RGPD1: variants seen among roughly 807,000 people sequenced by gnomAD.
The protein encoded by RGPD1 is RANBP2 like and GRIP domain containing 1.
RGPD1 carries 7 observed loss-of-function variants against 40.6 expected under a neutral mutation model. The ratio of observed to expected loss-of-function variants is 0.17; its 90% CI spans 0.10 to 0.32. The LOEUF (loss-of-function observed/expected upper bound fraction) is 0.32. Among genes scored for constraint, RGPD1 ranks in the 10% least tolerant of loss-of-function variants. The pLI, the probability that RGPD1 is intolerant of heterozygous loss-of-function variation, is 1.00. For synonymous variants in RGPD1, 24 were observed against 167.0 expected, an observed-to-expected ratio of 0.14 and a Z score of 6.60; for missense variants, 50 against 472.5, an observed-to-expected ratio of 0.11 and a Z score of 8.29.
Position 86,924,514 on chromosome 2 carries a change from G to A in RGPD1, c.72+10593G>A, listed in dbSNP as rs905103967. Among the ~76,000 whole-genome samples, 9 of 150,382 alleles carry A rather than the reference G, an allele frequency of 6.0e-5. 2 individuals carry two copies. Among genetic ancestry groups the A allele is most frequent in the Admixed American group, 2.7e-4 (4 of 15,044 alleles). The stretch of plus-strand genomic sequence containing the variant: ...CGGGGTGTCACTTTTTGCCTACGCC[G>A]GACTGCAGTGATGCTATCGTAGTTG... On this transcript the variant is annotated intron_variant, in intron 1 of 22. Transcript: ENST00000398193.
chr2:86,988,441 CAAAAAAA>C (rs1174110236), intron 20 of RGPD1, among the ~76,000 whole-genome samples: 6 of 33,246 alleles, frequency 1.8e-4, no homozygotes, highest in African/African-American at 3.3e-4. Context: ...ACTTTGTCTC[CAAAAAAA>C]AAAAAAAAAA....
At chr2:86,929,892 T>C (rs987770234) in intron 1 of RGPD1, among the ~76,000 whole-genome samples, 1 of 140,886 alleles carries the variant, frequency 7.1e-6, no homozygotes, top group Non-Finnish European at 1.6e-5. Flanking sequence ...TAGGGCTGTT[T>C]CTGGTGGGCA....
chr2:86,918,453 C>CTTTTTTTT (rs1160123598), intron 1 of RGPD1, among the ~76,000 whole-genome samples: 1 of 78,110 alleles, frequency 1.3e-5, no homozygotes, highest in African/African-American at 5.9e-5. Flanking sequence ...CACACCAAAT[C>CTTTTTTTT]TTTTTTTTTT....
chr2:86,939,285 CTCTT>C (rs1679557704), upstream of RGPD1, among the ~76,000 whole-genome samples: 4 of 144,802 alleles, frequency 2.8e-5, no homozygotes, highest in South Asian at 8.6e-4. Context: ...AGAAGATTCT[CTCTT>C]TGGATGCTGG....
rs148200410 is a variant in RGPD1, at chr2:86,943,969, G to T, written c.72+1661G>T. On this transcript the variant is annotated intron_variant, in intron 1 of 22. Coordinates refer to ENST00000641458, the MANE Select transcript of RGPD1 (RefSeq NM_001382344.1). ...GTGGAGGTTCCAGTGAGCCGAGGTC[G>T]CGCTACTGCACTCCAGCCTGGGCGA... 7.3e-3 allele frequency among the ~76,000 whole-genome samples: 1,111 copies of T among 151,754 alleles called. 13 individuals carry two copies. Among genetic ancestry groups the T allele is most frequent in the African/African-American group, 0.026 (1,056 of 41,332 alleles).
At chr2:86,943,031 A>G (rs1405063750) in intron 1 of RGPD1, among the ~76,000 whole-genome samples, 3 of 149,950 alleles carry the variant, frequency 2.0e-5, no homozygotes, top group Non-Finnish European at 4.5e-5. Context: ...CATGTCCTGG[A>G]CATTTACTTT....
upstream of RGPD1, among the ~76,000 whole-genome samples, chr2:86,941,717 C>CT (rs1324580293): frequency 1.3e-5 from 2 of 149,240 alleles, no homozygotes; most frequent in African/African-American, 5.1e-5. Context: ...TGAGAATGCG[C>CT]TTTGTTTTTT....
chr2:86,941,332 G>A (rs1679729550), upstream of RGPD1, among the ~76,000 whole-genome samples: 2 of 149,018 alleles, frequency 1.3e-5, no homozygotes, highest in East Asian at 2.0e-4. Flanking sequence ...TTAAATTTTG[G>A]TATGTTCTGT....
At chr2:86,960,639 G>T (rs1680912887) in intron 6 of RGPD1, among the ~76,000 whole-genome samples, 1 of 126,976 alleles carries the variant, frequency 7.9e-6, no homozygotes, top group African/African-American at 3.9e-5. Flanking sequence ...GCCCAGGCTG[G>T]AGTGCAGTGG....
At chr2:86,960,437 G>T (rs935228101) in intron 6 of RGPD1, among the ~76,000 whole-genome samples, 1 of 73,136 alleles carries the variant, frequency 1.4e-5, no homozygotes, top group Non-Finnish European at 2.4e-5. Context: ...CTGTTAGCCA[G>T]GATGGTCTCG....
chr2:86,945,137 G>C (rs560092581), intron 1 of RGPD1, among the ~76,000 whole-genome samples: 3 of 151,978 alleles, frequency 2.0e-5, no homozygotes, highest in East Asian at 1.9e-4. Flanking sequence ...ACAGAAGTTA[G>C]AATGTTCTTT....
intron 1 of RGPD1, among the ~76,000 whole-genome samples, chr2:86,914,721 GGGCGGC>G (rs1304942420): frequency 2.6e-4 from 2 of 7,730 alleles, no homozygotes; most frequent in African/African-American, 1.3e-3. Flanking sequence ...CGACCTGGCC[GGGCGGC>G]GGCGGCGGCG....
At chr2:86,945,041 TAAAA>T (rs1170415303) in intron 1 of RGPD1, among the ~76,000 whole-genome samples, 4 of 139,518 alleles carry the variant, frequency 2.9e-5, no homozygotes, top group Non-Finnish European at 6.3e-5. Flanking sequence ...TAAACAAGCT[TAAAA>T]AAAAAAAAAG....
rs1428874613 is a variant in RGPD1, at chr2:86,914,909, G to GGCGGCGGCCTC, written c.72+989_72+990insCGGCGGCCTCG. 6.0e-5 allele frequency among the ~76,000 whole-genome samples: 3 copies of GGCGGCGGCCTC among 50,090 alleles called. 1 individual carries two copies. The highest frequency in any genetic ancestry group is 5.8e-4 in the South Asian group (1 of 1,732). The allele number at this position is 50,090 out of a possible 152,430, so 32.9% of individuals were successfully genotyped here. On this transcript the variant is annotated intron_variant, in intron 1 of 22. Coordinates refer to the RGPD1 transcript ENST00000398193. Reference sequence around the variant, plus strand: ...GGCCTCGACCTGGCCGGGCGGCGGCGGAGGCGGCGGCCTCGACCTGGCCGG... The same window carrying GGCGGCGGCCTC: ...GGCCTCGACCTGGCCGGGCGGCGGCGGCGGCGGCCTCGAGGCGGCGGCCTCGACCTGGCCGG...
At chr2:86,942,336 CCTCGACCTGGCCGGGCGGCG>C (rs1679861961) in intron 1 of RGPD1, 28 bp downstream of exon 1, 1 of 969,662 alleles carries the variant, frequency 1.0e-6, no homozygotes, top group Non-Finnish European at 1.3e-6. Context: ...AGACCGACGG[CCTCGACCTGGCCGGGCGGCG>C]GCCTCGACCT....
At chr2:87,008,904 A>G (rs1682146969) in intron 22 of RGPD1, among the ~76,000 whole-genome samples, 2 of 104,942 alleles carry the variant, frequency 1.9e-5, no homozygotes, top group South Asian at 3.7e-4. Flanking sequence ...CTGACACACA[A>G]TGAGAGAAAA....
chr2:86,944,870 G>A lies in RGPD1; in HGVS notation c.72+2562G>A, dbSNP rs373129048. Among the ~76,000 whole-genome samples, 7 of 151,734 alleles carry A rather than the reference G, an allele frequency of 4.6e-5. No homozygotes were observed. In the South Asian group the frequency reaches 8.3e-4, roughly 18 times the overall value. On this transcript the variant is annotated intron_variant, in intron 1 of 22. Coordinates refer to ENST00000641458, the MANE Select transcript of RGPD1 (RefSeq NM_001382344.1). ...CTACAGGCATGCCAGCTACAGGCAT[G>A]CGCCACCATGCCCGGCTTTTTTCTT... is the stretch of plus-strand genomic sequence containing the variant.
chr2:86,924,788 TTTAAA>T (rs1261154137), intron 1 of RGPD1, among the ~76,000 whole-genome samples: 3 of 115,148 alleles, frequency 2.6e-5, no homozygotes, highest in African/African-American at 7.8e-5. Flanking sequence ...TTTAATTTCT[TTTAAA>T]TTAAAATTCA....
At chr2:86,941,496 C>T (rs1397210849), upstream of RGPD1, among the ~76,000 whole-genome samples, 2 of 148,866 alleles carry the variant, frequency 1.3e-5, no homozygotes, top group Admixed American at 6.7e-5. Flanking sequence ...CCTCCCGCCT[C>T]GACCTCCCAA....
Sources: gnomAD v4.1 joint callset for allele counts (sites outside exome capture counted in the v4.1 genomes callset) on GRCh38, gnomAD v4.1.1 for gene constraint, MANE v1.5 for transcripts, NCBI Gene and HGNC (gene_info 2026-07-23, HGNC 2026-07-21) for gene names.